DCC: variants seen among roughly 807,000 people sequenced by gnomAD.
DCC encodes the protein DCC netrin 1 receptor, also known as netrin receptor DCC.
In DCC, 58 loss-of-function variants were observed where a neutral mutation model predicts 172.5. The observed-to-expected ratio is 0.34, with a 90% confidence interval of 0.27 to 0.42. DCC has a LOEUF of 0.42. DCC is among the 10% of genes least tolerant of loss of function. DCC has a pLI of 1.00. For synonymous variants in DCC, 709 were observed against 644.5 expected, an observed-to-expected ratio of 1.10 and a Z score of -1.52; for missense variants, 1,740 against 1,791.0, an observed-to-expected ratio of 0.97 and a Z score of 0.51.
intron 15 of DCC, among the ~76,000 whole-genome samples, chr18:53,367,819 G>GCC (rs1451786338): frequency 6.6e-6 from 1 of 152,248 alleles, no homozygotes; most frequent in East Asian, 1.9e-4. Context: ...ATAAGGGCCT[G>GCC]AAGATTAATC....
intron 24 of DCC, among the ~76,000 whole-genome samples, chr18:53,464,075 T>C (rs1202313764): frequency 6.6e-6 from 1 of 152,242 alleles, no homozygotes; most frequent in Non-Finnish European, 1.5e-5. Context: ...TATTGCTTCA[T>C]GATACATCTC....
chr18:53,109,143 C>T (rs1475559669), intron 7 of DCC, among the ~76,000 whole-genome samples: 1 of 151,340 alleles, frequency 6.6e-6, no homozygotes, highest in East Asian at 2.0e-4. Flanking sequence ...TCCCTGATGA[C>T]TAATGAGGGT....
intron 1 of DCC, among the ~76,000 whole-genome samples, chr18:52,488,194 AT>A (rs1348806064): frequency 6.6e-6 from 1 of 152,050 alleles, no homozygotes; most frequent in African/African-American, 2.4e-5. Flanking sequence ...ATTATTCCTC[AT>A]TTTTTGCAGA....
intron 12 of DCC, among the ~76,000 whole-genome samples, chr18:53,218,088 A>G (rs1190014844): frequency 6.6e-6 from 1 of 152,092 alleles, no homozygotes; most frequent in Non-Finnish European, 1.5e-5. Flanking sequence ...ACCTCAAGCT[A>G]TCCTCCCACC....
intron 14 of DCC, among the ~76,000 whole-genome samples, chr18:53,338,296 A>G (rs995200030): frequency 1.3e-5 from 2 of 152,136 alleles, no homozygotes; most frequent in Admixed American, 1.3e-4. Context: ...CAAACATAAT[A>G]GTTGTTGTAT....
At chr18:53,457,739 A>G (rs1004784564) in intron 23 of DCC, among the ~76,000 whole-genome samples, 1 of 152,194 alleles carries the variant, frequency 6.6e-6, no homozygotes, top group Admixed American at 6.5e-5. Flanking sequence ...ACACTTAGAA[A>G]ATAGGGGTTG....
At chr18:53,187,010 C>T (rs910703708) in intron 9 of DCC, among the ~76,000 whole-genome samples, 1 of 152,082 alleles carries the variant, frequency 6.6e-6, no homozygotes, top group African/African-American at 2.4e-5. Context: ...ATGGCCTAAT[C>T]ATCTTTTAAA....
intron 1 of DCC, among the ~76,000 whole-genome samples, chr18:52,703,930 T>C (rs369553891): frequency 1.3e-5 from 2 of 152,258 alleles, no homozygotes; most frequent in South Asian, 2.1e-4. Flanking sequence ...GGATCTGATT[T>C]TGTCTCCATT....
chr18:52,341,978 T>C (rs879934254), intron 1 of DCC, among the ~76,000 whole-genome samples: 1 of 152,070 alleles, frequency 6.6e-6, no homozygotes, highest in Non-Finnish European at 1.5e-5. Flanking sequence ...AGTTCGTGCC[T>C]GGGAAATTAA....
rs1568074615 is a variant in DCC at position 53,351,319 on chromosome 18, T to TATATATATATA, written c.2359+11412_2359+11413insATATATATATA. 5.5e-3 allele frequency among the ~76,000 whole-genome samples: 123 copies of TATATATATATA among 22,214 alleles called. 4 individuals carry two copies. The highest frequency in any genetic ancestry group is 0.029 in the Middle Eastern group (1 of 34). 14.6% of individuals were successfully genotyped at this position (22,214 alleles called of 152,430 possible). ...TATATATATATATATATATATACAC[T>TATATATATATA]GTATATATATATACAGTGTATATAT... On this transcript the variant is annotated intron_variant, in intron 15 of 28. Transcript: ENST00000442544.
chr18:53,487,270 A>G (rs1411402613), intron 26 of DCC, among the ~76,000 whole-genome samples: 3 of 152,250 alleles, frequency 2.0e-5, no homozygotes, highest in African/African-American at 7.2e-5. Flanking sequence ...TAAATAGGAA[A>G]TTAATAATCA....
At chr18:53,197,519 ATTCAAATG>A (rs2055463805) in intron 9 of DCC, among the ~76,000 whole-genome samples, 3 of 150,028 alleles carry the variant, frequency 2.0e-5, no homozygotes, top group Admixed American at 6.7e-5. Flanking sequence ...GACTTTAAAT[ATTCAAATG>A]TTCAACTACA....
chr18:53,492,815 C>T (rs891978654), intron 26 of DCC, among the ~76,000 whole-genome samples: 18 of 151,612 alleles, frequency 1.2e-4, no homozygotes, highest in Admixed American at 4.0e-4. Context: ...GCTCTTTTCT[C>T]GTTCCATATG....
chr18:53,470,374 G>A (rs146237769), intron 25 of DCC, among the ~76,000 whole-genome samples: 29 of 152,166 alleles, frequency 1.9e-4, no homozygotes, highest in African/African-American at 6.7e-4. Context: ...AAGCATTTTG[G>A]TCAAAACTGT....
At chr18:52,540,651 A>C (rs1467207924) in intron 1 of DCC, among the ~76,000 whole-genome samples, 1 of 113,794 alleles carries the variant, frequency 8.8e-6, no homozygotes, top group Non-Finnish European at 1.7e-5. Context: ...CTTTCGCCCA[A>C]GCCGGAGTGC....
rs139864554 is a variant in DCC, at chr18:52,611,179, C to G, written c.92-140875C>G. ...ATCTTGTATCAGTCACTGTAAACTTCTGCTGATTTCAGCTCACAGGGTGTC... is the reference window on the plus strand; with the variant it reads ...ATCTTGTATCAGTCACTGTAAACTTGTGCTGATTTCAGCTCACAGGGTGTC... On this transcript the variant is annotated intron_variant, in intron 1 of 28. Transcript: ENST00000442544. Among the ~76,000 whole-genome samples the G allele has an allele frequency of 6.5e-3, 988 of 152,218 alleles. 13 individuals are homozygous for G. Among genetic ancestry groups the G allele is most frequent in the African/African-American group, 0.023 (952 of 41,532 alleles).
chr18:52,759,374 T>C (rs1568085525), intron 2 of DCC, among the ~76,000 whole-genome samples: 1 of 152,210 alleles, frequency 6.6e-6, no homozygotes, highest in Admixed American at 6.5e-5. Flanking sequence ...TTGACAAGGC[T>C]TTTTATAGTA....
At chr18:52,527,185 A>T (rs1454998970) in intron 1 of DCC, among the ~76,000 whole-genome samples, 1 of 152,254 alleles carries the variant, frequency 6.6e-6, no homozygotes, top group African/African-American at 2.4e-5. Flanking sequence ...GAGAGGGGAT[A>T]TCATGTCATA....
chr18:53,158,139 C>CA (rs5824992), intron 8 of DCC, among the ~76,000 whole-genome samples: 300 of 150,634 alleles, frequency 2.0e-3, no homozygotes, highest in African/African-American at 6.8e-3. Flanking sequence ...TTTTTAAAAA[C>CA]AAAAAAAAAT....
Sources: allele counts gnomAD v4.1 joint callset (sites outside exome capture counted in the v4.1 genomes callset), GRCh38; gene constraint gnomAD v4.1.1; transcripts MANE v1.5; gene names NCBI Gene and HGNC (gene_info 2026-07-23, HGNC 2026-07-21).